The following KCNH8 variants were observed in gnomAD, a reference collection of about 807,000 sequenced individuals.
The protein encoded by KCNH8 is potassium voltage-gated channel subfamily H member 8.
A neutral mutation model predicts 103.6 loss-of-function variants in KCNH8; 70 were observed. The observed-to-expected ratio is 0.68, with a 90% confidence interval of 0.56 to 0.82. KCNH8 has a LOEUF of 0.82. Among genes scored for constraint, KCNH8 ranks in the 40% least tolerant of loss-of-function variants. KCNH8 has a pLI of 0.00. For synonymous variants in KCNH8, 498 were observed against 489.4 expected, an observed-to-expected ratio of 1.02 and a Z score of -0.23; for missense variants, 1,217 against 1,329.9, an observed-to-expected ratio of 0.92 and a Z score of 1.32.
At chr3:19,165,525 A>G (rs2063274605) in intron 1 of KCNH8, among the ~76,000 whole-genome samples, 1 of 152,164 alleles carries the variant, frequency 6.6e-6, no homozygotes, top group Admixed American at 6.5e-5. Context: ...AGAGCTCTCA[A>G]TTCTCCAACA....
chr3:19,153,055 C>T (rs972617441), intron 1 of KCNH8, among the ~76,000 whole-genome samples: 1 of 152,142 alleles, frequency 6.6e-6, no homozygotes, highest in African/African-American at 2.4e-5. Flanking sequence ...GGTACATAGA[C>T]CTCTTAATGT....
chr3:19,527,822 G>A (rs553240138), intron 15 of KCNH8, among the ~76,000 whole-genome samples: 2 of 152,210 alleles, frequency 1.3e-5, no homozygotes, highest in Non-Finnish European at 1.5e-5. Flanking sequence ...AACATCTAAT[G>A]ATTTGTGTGG....
chr3:19,210,916 A>G (rs1229318605), intron 1 of KCNH8, among the ~76,000 whole-genome samples: 2 of 152,168 alleles, frequency 1.3e-5, no homozygotes, highest in East Asian at 1.9e-4. Context: ...TCACATCCAT[A>G]TGAACCTGAA....
At chr3:19,502,508 C>A (rs1402939224) in intron 11 of KCNH8, among the ~76,000 whole-genome samples, 1 of 152,210 alleles carries the variant, frequency 6.6e-6, no homozygotes, top group African/African-American at 2.4e-5. Context: ...CATCACACTA[C>A]CTGACTTCAA....
At chr3:19,317,537 A>G (rs1016859960) in intron 3 of KCNH8, among the ~76,000 whole-genome samples, 1 of 152,038 alleles carries the variant, frequency 6.6e-6, no homozygotes, top group South Asian at 2.1e-4. Context: ...CTTCAATGTT[A>G]TTATCTTTAA....
chr3:19,369,142 C>A (rs943147405), intron 5 of KCNH8, among the ~76,000 whole-genome samples: 1 of 151,868 alleles, frequency 6.6e-6, no homozygotes, highest in Non-Finnish European at 1.5e-5. Context: ...ATATTTTGAA[C>A]AGTGGAGGTA....
chr3:19,453,270 T>C (rs1424826877), intron 10 of KCNH8, among the ~76,000 whole-genome samples: 2 of 152,114 alleles, frequency 1.3e-5, no homozygotes, highest in Non-Finnish European at 2.9e-5. Flanking sequence ...ATTCAAGTGA[T>C]GGTTACACTG....
chr3:19,190,069 C>T (rs2063536948), intron 1 of KCNH8, among the ~76,000 whole-genome samples: 1 of 151,832 alleles, frequency 6.6e-6, no homozygotes, highest in Non-Finnish European at 1.5e-5. Context: ...AATACCTTTG[C>T]TTGCTGAGGG....
Position 19,365,528 on chromosome 3 carries a change from AT to A in KCNH8, c.811+17567del, listed in dbSNP as rs1437931847. ...TCTTAATTGTTACGCATTTAAGATG[AT>A]TTTGATTTTTTGCCACTTAAATATA... On this transcript the variant is annotated intron_variant, in intron 5 of 15. Coordinates refer to ENST00000328405, the MANE Select transcript of KCNH8 (RefSeq NM_144633.3). 3.9e-5 allele frequency among the ~76,000 whole-genome samples: 6 copies of A among 152,154 alleles called. No homozygotes were observed. The South Asian group carries it at 8.3e-4, about 21-fold the overall frequency.
intron 11 of KCNH8, among the ~76,000 whole-genome samples, chr3:19,476,995 A>G (rs1038789066): frequency 2.6e-4 from 40 of 152,294 alleles, no homozygotes; most frequent in African/African-American, 6.5e-4. Flanking sequence ...ATTTAAGTAA[A>G]GCATATGAAG....
chr3:19,371,744 G>T (rs1268208098), intron 5 of KCNH8, among the ~76,000 whole-genome samples: 1 of 119,692 alleles, frequency 8.4e-6, no homozygotes, highest in Non-Finnish European at 1.7e-5. Flanking sequence ...ATGGTTTTAG[G>T]TCTAACGTTT....
intron 3 of KCNH8, among the ~76,000 whole-genome samples, chr3:19,295,502 G>T (rs149865823): frequency 6.6e-6 from 1 of 152,190 alleles, no homozygotes; most frequent in African/African-American, 2.4e-5. Context: ...GATGATGTTC[G>T]CTATATCCAG....
rs543898926 is a variant in KCNH8 at position 19,235,940 on chromosome 3, A to T, written c.77-17714A>T. ...ATTGTGCATTTGTTTGATAAAACAG[A>T]TTTCAACATAGGGCCTTGTAGTTAG... On this transcript the variant is annotated intron_variant, in intron 1 of 15. Coordinates refer to ENST00000328405, the MANE Select transcript of KCNH8 (RefSeq NM_144633.3). 5.9e-5 allele frequency among the ~76,000 whole-genome samples: 9 copies of T among 152,364 alleles called. No individual in the cohort carries two copies. The East Asian group carries it at 1.7e-3, about 29-fold the overall frequency.
At chr3:19,270,790 C>T (rs1000341982) in intron 2 of KCNH8, among the ~76,000 whole-genome samples, 6 of 152,140 alleles carry the variant, frequency 3.9e-5, no homozygotes, top group Admixed American at 6.5e-5. Flanking sequence ...TAAATTGCCA[C>T]CTAAAACTGT....
intron 1 of KCNH8, among the ~76,000 whole-genome samples, chr3:19,226,257 G>A (rs2063930220): frequency 6.6e-6 from 1 of 152,170 alleles, no homozygotes; most frequent in Non-Finnish European, 1.5e-5. Flanking sequence ...TATTTTATAT[G>A]TTGTCCACAC....
chr3:19,384,420 T>TA (rs1456147246), intron 5 of KCNH8, among the ~76,000 whole-genome samples: 2 of 152,186 alleles, frequency 1.3e-5, no homozygotes, highest in Non-Finnish European at 2.9e-5. Context: ...CTGAAAGGTA[T>TA]AGCTATGCTT....
At chr3:19,286,929 T>G (rs1010167318) in intron 3 of KCNH8, among the ~76,000 whole-genome samples, 1 of 152,108 alleles carries the variant, frequency 6.6e-6, no homozygotes, top group Non-Finnish European at 1.5e-5. Context: ...TTAATCCAGA[T>G]GGTAAATGCA....
intron 11 of KCNH8, among the ~76,000 whole-genome samples, chr3:19,470,807 T>TA (rs1224137978): frequency 6.6e-6 from 1 of 152,202 alleles, no homozygotes; most frequent in African/African-American, 2.4e-5. Flanking sequence ...CATGCAATCA[T>TA]ATCTCAGCAA....
intron 11 of KCNH8, among the ~76,000 whole-genome samples, chr3:19,505,121 G>T (rs374356294): frequency 6.0e-5 from 9 of 151,118 alleles, no homozygotes; most frequent in South Asian, 2.1e-4. Flanking sequence ...ATACTACACC[G>T]CTGTAAAAGA....
Sources: gnomAD v4.1 joint callset for allele counts (sites outside exome capture counted in the v4.1 genomes callset) on GRCh38, gnomAD v4.1.1 for gene constraint, MANE v1.5 for transcripts, NCBI Gene and HGNC (gene_info 2026-07-23, HGNC 2026-07-21) for gene names.